Variants in CSPG4 observed in about 807,000 individuals in gnomAD.
CSPG4 encodes the protein chondroitin sulfate proteoglycan 4 (melanoma-associated).
Under a neutral mutation model 139.3 loss-of-function variants are expected in CSPG4, and 74 were observed. That is an observed-to-expected ratio of 0.53 (90% CI 0.44 to 0.64). CSPG4 has a LOEUF of 0.64. CSPG4 is among the 30% of genes least tolerant of loss of function. The pLI is 0.00. For missense variants in CSPG4, 2,565 were observed against 3,148.3 expected (o/e 0.81, Z 4.43); for synonymous variants, 1,234 against 1,394.2 (o/e 0.89, Z 2.56).
chr15:75,682,263 T>C, intron 8 of CSPG4, 30 bp downstream of exon 8: 2 of 1,596,280 alleles, frequency 1.3e-6, no homozygotes, highest in Non-Finnish European at 1.7e-6. Flanking sequence ...TGGGGGCATC[T>C]GAGTGGTGGC....
Position 75,677,821 on chromosome 15 carries a change from A to G in CSPG4, c.5016T>C (p.Asp1672=). The part of the protein sequence containing the change: ...MPPEPFWEAH[D]TLELQLSSPP... ...GCGAGGACAGCTGGAGCTCTAGGGT[A>G]TCATGGGCCTCCCAAAAGGGCTCGG... Residue 1672 remains aspartate, a synonymous_variant, in exon 9 of 10, where the codon GAT becomes GAC. Coordinates refer to ENST00000308508, the MANE Select transcript of CSPG4 (RefSeq NM_001897.5). The G allele has an allele frequency of 1.2e-6, 2 of 1,612,784 alleles. No homozygotes were observed. Among genetic ancestry groups the G allele is most frequent in the South Asian group, 2.2e-5 (2 of 90,996 alleles).
In CSPG4 at chr15:75,687,204, T is replaced by C; in HGVS notation, c.3789+72A>G. 6.4e-7 allele frequency: 1 copy of C among 1,573,650 alleles called. No homozygotes were observed. Among genetic ancestry groups the C allele is most frequent in the Non-Finnish European group, 8.7e-7 (1 of 1,155,686 alleles). Reference sequence around the variant, plus strand: ...ACAGCCACAGCCCAAGTCACGTGTGTTCCTGGCATGGAGGCTGGGAGAAGG... The same window carrying C: ...ACAGCCACAGCCCAAGTCACGTGTGCTCCTGGCATGGAGGCTGGGAGAAGG... On this transcript the variant is annotated intron_variant, in intron 3 of 9. Transcript: ENST00000308508. This position sits in a 1 kb window ranked among gnomAD's most constrained non-coding sequence, Gnocchi z 5.4.
rs1893909794 is a variant in CSPG4 at position 75,677,391 on chromosome 15, G to T, written c.5135-7C>A. Reference sequence around the variant, plus strand: ...CCCTCGGGGACCCAGAGACCTGGGGGTGGGACATAGGCTATGAGGGTCCAG... The same window carrying T: ...CCCTCGGGGACCCAGAGACCTGGGGTTGGGACATAGGCTATGAGGGTCCAG... On this transcript the variant is annotated splice_region_variant and splice_polypyrimidine_tract_variant and intron_variant, in intron 9 of 9. Coordinates refer to ENST00000308508, the MANE Select transcript of CSPG4 (RefSeq NM_001897.5). 2.9e-6 allele frequency: 4 copies of T among 1,399,150 alleles called. No individual in the cohort carries two copies. The highest frequency in any genetic ancestry group is 3.7e-6 in the Non-Finnish European group (4 of 1,073,746). 86.7% of individuals were successfully genotyped at this position (1,399,150 alleles called of 1,614,324 possible). A position where few individuals can be genotyped will look rare whatever the true frequency, so the allele number is the denominator to read the frequency against.
chr15:75,682,250 G>C (rs752276373), intron 8 of CSPG4, 43 bp downstream of exon 8: 1 of 1,593,254 alleles, frequency 6.3e-7, no homozygotes, highest in South Asian at 1.1e-5. Context: ...GGCCACCTGA[G>C]GCTGGGGGCA....
At position 75,687,905 on chromosome 15, in the gene CSPG4, C is replaced by T. The variant is rs768565539; in HGVS notation, c.3160G>A (p.Ala1054Thr). ...FSDADSGFAD[A>T]QLVLTRKDLL... Reference sequence around the variant, plus strand: ...TCCTTGCGGGTAAGCACCAGCTGGGCGTCAGCAAAGCCCGAGTCAGCATCG... The same window carrying T: ...TCCTTGCGGGTAAGCACCAGCTGGGTGTCAGCAAAGCCCGAGTCAGCATCG... The change falls in exon 3 of 10, where the codon GCC (alanine) becomes ACC (threonine). Residue 1054 changes from alanine to threonine, a missense_variant. Around this residue, in one of 5 missense-constraint regions of CSPG4, gnomAD observed 2,316 missense variants for 2,818.2 expected, o/e 0.82. Coordinates refer to ENST00000308508, the MANE Select transcript of CSPG4 (RefSeq NM_001897.5). This position sits in a 1 kb window ranked among gnomAD's most constrained non-coding sequence, Gnocchi z 5.4. 8.1e-6 allele frequency: 13 copies of T among 1,612,932 alleles called. No individual in the cohort carries two copies. In the Admixed American group the frequency reaches 1.3e-4, roughly 17 times the overall value.
At position 75,689,173 on chromosome 15, in the gene CSPG4, C is replaced by T. The variant is rs1490613821; in HGVS notation, c.1892G>A (p.Arg631His). 72 of 1,602,706 alleles carry T rather than the reference C, an allele frequency of 4.5e-5. 1 individual carries two copies. In the Middle Eastern group the frequency reaches 6.6e-4, roughly 15 times the overall value. ...LEAGSLVYVH[R>H]GGPAQDLTFR... ...CGTCAAGTCCTGTGCAGGACCACCG[C>T]GGTGGACATAGACTAGGCTGCCGGC... Residue 631 changes from arginine (R) to histidine (H), a missense_variant, in exon 3 of 10, where the codon CGC (arginine) becomes CAC (histidine). Physicochemically the swap from Arg to His is conservative, Grantham distance 29. This residue lies in a region of CSPG4 where 2,316 missense variants were observed against 2,818.2 expected (regional missense o/e 0.82). Transcript: ENST00000308508.
Position 75,712,714 on chromosome 15 carries a change from C to T in CSPG4, c.42G>A (p.Leu14=). 2.6e-6 allele frequency: 4 copies of T among 1,563,550 alleles called. No individual in the cohort carries two copies. The highest frequency in any genetic ancestry group is 3.5e-6 in the Non-Finnish European group (4 of 1,154,702). The change falls in exon 1 of 10, where the codon CTG becomes CTA. Residue 14 remains leucine, a synonymous_variant. Coordinates refer to ENST00000308508, the MANE Select transcript of CSPG4 (RefSeq NM_001897.5). Reference sequence around the variant, plus strand: ...ACATAGTCAGGGTCAAAGCCAAGGCCAGGCCGGGGGCTGGAAGTGGGGGCC... The same window carrying T: ...ACATAGTCAGGGTCAAAGCCAAGGCTAGGCCGGGGGCTGGAAGTGGGGGCC... ...GPRPPLPAPG[L]ALALTLTMLA...
chr15:75,688,054 C>T lies in CSPG4; in HGVS notation c.3011G>A (p.Arg1004Gln), dbSNP rs766266221. The T allele has an allele frequency of 1.2e-5, 20 of 1,612,422 alleles. No individual in the cohort carries two copies. The highest frequency in any genetic ancestry group is 6.7e-5 in the East Asian group (3 of 44,896). The change falls in exon 3 of 10, where the codon CGG (arginine) becomes CAG (glutamine). Residue 1004 changes from arginine (R) to glutamine (Q), a missense_variant. Physicochemically the swap from Arg to Gln is conservative, Grantham distance 43 (BLOSUM62 1). Transcript: ENST00000308508. Reference protein sequence around the residue: ...SSGDMAWEEVRGVFRVAIQPV... With the variant: ...SSGDMAWEEVQGVFRVAIQPV... ...CTGGATGGCCACTCGGAAGACACCC[C>T]GTACCTCCTCCCAGGCCATGTCACC...
intron 8 of CSPG4, chr15:75,680,491 C>G (rs1305990257): frequency 5.2e-5 from 8 of 152,438 alleles, no homozygotes; most frequent in African/African-American, 1.9e-4. Context: ...GTCTGTGGGC[C>G]AGATCTGGCC....
rs771443652 is a variant in CSPG4 at position 75,675,460 on chromosome 15, C to T, written c.*90G>A. On this transcript the variant is annotated 3_prime_UTR_variant, in exon 10 of 10. Coordinates refer to ENST00000308508, the MANE Select transcript of CSPG4 (RefSeq NM_001897.5). ...CCAGGTCTCTCTTGCTCTGGGGATACTCAGACAGCACCAGGCATGGAAGCA... is the reference window on the plus strand; with the variant it reads ...CCAGGTCTCTCTTGCTCTGGGGATATTCAGACAGCACCAGGCATGGAAGCA... The T allele has an allele frequency of 1.4e-4, 188 of 1,353,662 alleles. No homozygotes were observed. Among genetic ancestry groups the T allele is most frequent in the Non-Finnish European group, 1.7e-4 (175 of 1,037,986 alleles). The allele number at this position is 1,353,662 out of a possible 1,614,324, so 83.9% of individuals were successfully genotyped here. A position where few individuals can be genotyped will look rare whatever the true frequency, so the allele number is the denominator to read the frequency against.
Position 75,675,854 on chromosome 15 carries a change from A to G in CSPG4, c.6665T>C (p.Met2222Thr), listed in dbSNP as rs868860665. 1.9e-6 allele frequency: 3 copies of G among 1,610,472 alleles called. No individual in the cohort carries two copies. Among genetic ancestry groups the G allele is most frequent in the Middle Eastern group, 3.3e-4 (2 of 6,084 alleles). The change falls in exon 10 of 10, where the codon ATG becomes ACG. Residue 2222 changes from methionine (M) to threonine (T), a missense_variant. Physicochemically the swap from Met to Thr is moderately conservative, Grantham distance 81. Around this residue, in one of 5 missense-constraint regions of CSPG4, gnomAD observed 2,316 missense variants for 2,818.2 expected, o/e 0.82. Coordinates refer to ENST00000308508, the MANE Select transcript of CSPG4 (RefSeq NM_001897.5). The stretch of plus-strand genomic sequence containing the variant: ...GCACATGGGGATGATGACGCTGAAC[A>G]TGTTGGCCTCAAGGAAGCTCAGGAA... Reference protein sequence around the residue: ...GGFLSFLEANMFSVIIPMCLV... With the variant: ...GGFLSFLEANTFSVIIPMCLV...
At position 75,690,222 on chromosome 15, in the gene CSPG4, A is replaced by T. The variant is rs1894143232; in HGVS notation, c.843T>A (p.Asp281Glu). The T allele has an allele frequency of 1.9e-6, 3 of 1,613,380 alleles. No homozygotes were observed. The highest frequency in any genetic ancestry group is 4.5e-5 in the East Asian group (2 of 44,890). ...VLLHNSVPVA[D>E]GQPHEVSVHI... is the part of the protein sequence containing the mutation. The stretch of plus-strand genomic sequence containing the variant: ...GGACACTGACCTCATGGGGCTGCCC[A>T]TCGGCCACAGGCACACTGTTGTGGA... The change falls in exon 3 of 10, where the codon GAT becomes GAA. Residue 281 changes from aspartate (D) to glutamate (E), a missense_variant. By Grantham distance (45) the Asp-to-Glu change is conservative. This residue lies in a region of CSPG4 where 2,316 missense variants were observed against 2,818.2 expected (regional missense o/e 0.82). Transcript: ENST00000308508.
intron 1 of CSPG4, among the ~76,000 whole-genome samples, chr15:75,702,673 T>C (rs1215818767): frequency 6.6e-6 from 1 of 152,238 alleles, no homozygotes; most frequent in East Asian, 1.9e-4. Context: ...GGCAGGGGAC[T>C]GGACACTATG....
rs1893869094 is a variant in CSPG4, at chr15:75,675,004, G to A, written c.*546C>T. ...GGCTTATGCCTTCTAGACTGGAGGC[G>A]CTCTCTCCTCTTGCCCTCTACTCCA... is the stretch of plus-strand genomic sequence containing the variant. On this transcript the variant is annotated 3_prime_UTR_variant, in exon 10 of 10. Coordinates refer to ENST00000308508, the MANE Select transcript of CSPG4 (RefSeq NM_001897.5). 2.5e-6 allele frequency: 1 copy of A among 393,164 alleles called. No homozygotes were observed. The highest frequency in any genetic ancestry group is 3.6e-5 in the East Asian group (1 of 27,828). 24.4% of individuals were successfully genotyped at this position (393,164 alleles called of 1,614,324 possible). A position where few individuals can be genotyped will look rare whatever the true frequency, so the allele number is the denominator to read the frequency against.
chr15:75,677,991 G>A (rs1392341918), intron 8 of CSPG4, 105 bp from the exon 9 acceptor site: 2 of 1,057,554 alleles, frequency 1.9e-6, no homozygotes, highest in East Asian at 5.7e-5. Context: ...TCCTGGGTGT[G>A]CCCAGGTCTG....
rs1893900165 is a variant in CSPG4 at position 75,676,826 on chromosome 15, T to C, written c.5693A>G (p.Asp1898Gly). ...GAAGGCCAGCCGCCCTGAATCCACA[T>C]CGGCTTGCGTGAAGCGGGTCACGGG... ...LGPVTRFTQA[D>G]VDSGRLAFVA... Residue 1898 changes from aspartate to glycine, a missense_variant, in exon 10 of 10, where the codon GAT becomes GGT. By Grantham distance (94) the Asp-to-Gly change is moderately conservative (BLOSUM62 -1). Coordinates refer to ENST00000308508, the MANE Select transcript of CSPG4 (RefSeq NM_001897.5). The C allele has an allele frequency of 6.5e-7, 1 of 1,546,996 alleles. No homozygotes were observed. Among genetic ancestry groups the C allele is most frequent in the Non-Finnish European group, 8.7e-7 (1 of 1,146,460 alleles).
Position 75,677,214 on chromosome 15 carries a change from C to A in CSPG4, c.5305G>T (p.Ala1769Ser). 1.4e-6 allele frequency: 2 copies of A among 1,468,092 alleles called. No individual in the cohort carries two copies. Among genetic ancestry groups the A allele is most frequent in the Non-Finnish European group, 1.8e-6 (2 of 1,106,100 alleles). The allele number at this position is 1,468,092 out of a possible 1,614,324, so 90.9% of individuals were successfully genotyped here. ...GACTGCAGGAAGTGGGGCTGCCCAG[C>A]ATGGAGGGGCTCCTCGGACACCAAC... is the stretch of plus-strand genomic sequence containing the variant. Reference protein sequence around the residue: ...QLLVSEEPLHAGQPHFLQSQL... With the variant: ...QLLVSEEPLHSGQPHFLQSQL... The change falls in exon 10 of 10, where the codon GCT (alanine) becomes TCT (serine). Residue 1769 changes from alanine (A) to serine (S), a missense_variant. Around this residue, in one of 5 missense-constraint regions of CSPG4, gnomAD observed 2,316 missense variants for 2,818.2 expected, o/e 0.82. Coordinates refer to ENST00000308508, the MANE Select transcript of CSPG4 (RefSeq NM_001897.5).
chr15:75,681,955 G>C (rs1347866745), intron 8 of CSPG4, among the ~76,000 whole-genome samples: 1 of 152,146 alleles, frequency 6.6e-6, no homozygotes, highest in Admixed American at 6.5e-5. Context: ...TCAGCTACTG[G>C]GGTACCACTA....
At chr15:75,700,457 C>G (rs1424238527) in intron 1 of CSPG4, among the ~76,000 whole-genome samples, 1 of 152,154 alleles carries the variant, frequency 6.6e-6, no homozygotes, top group Non-Finnish European at 1.5e-5. Context: ...TCCTCTGTGG[C>G]TCTGGGGCTG....
Sources: allele counts gnomAD v4.1 joint callset (sites outside exome capture counted in the v4.1 genomes callset), GRCh38; gene constraint gnomAD v4.1.1; regional missense constraint gnomAD v4.1.1; non-coding constraint Gnocchi (gnomAD v3.1); transcripts MANE v1.5; gene names NCBI Gene and HGNC (gene_info 2026-07-23, HGNC 2026-07-21).